The following TNRC6C variants were observed in gnomAD, a reference collection of about 807,000 sequenced individuals.
TNRC6C encodes the protein trinucleotide repeat containing adaptor 6C.
In TNRC6C, 20 loss-of-function variants were observed where a neutral mutation model predicts 153.7. The observed-to-expected ratio is 0.13, with a 90% CI of 0.09 to 0.19. The LOEUF is 0.19. Ranked by LOEUF, TNRC6C falls within the 10% of genes least tolerant of loss-of-function variation. The pLI is 1.00. For synonymous variants in TNRC6C, 811 were observed against 841.4 expected (o/e 0.96, Z 0.63); for missense variants, 1,987 against 2,172.0 (o/e 0.91, Z 1.69).
upstream of TNRC6C, among the ~76,000 whole-genome samples, chr17:77,999,193 T>C (rs1260876851): frequency 1.3e-5 from 2 of 152,240 alleles, no homozygotes; most frequent in Admixed American, 1.3e-4. Context: ...GATTTCTCTC[T>C]GGGATCCCTG....
rs558125816 is a variant in TNRC6C at position 78,097,588 on chromosome 17, G to A, written c.4307-755G>A. The stretch of plus-strand genomic sequence containing the variant: ...GGACCCAGAGTAGGAGGCATGCCCC[G>A]TTTCTTCTTTCCCACATGTCACTTT... On this transcript the variant is annotated intron_variant, in intron 16 of 19. Coordinates refer to ENST00000301624, the Ensembl canonical transcript of TNRC6C. Among the ~76,000 whole-genome samples, 18 of 152,236 alleles carry A rather than the reference G, an allele frequency of 1.2e-4. No homozygotes were observed. In the East Asian group the frequency reaches 1.9e-3, roughly 16 times the overall value.
In TNRC6C at chr17:77,961,406, T is replaced by G. The variant is rs557886548; in HGVS notation, c.-38+2138T>G. The stretch of plus-strand genomic sequence containing the variant: ...CCTGACTTCAGGTGATCCGCCTGTC[T>G]CGGCCTCCCAAAGTGCTGGGATTAC... On this transcript the variant is annotated intron_variant, in intron 1 of 22. Transcript: ENST00000636222. 3.2e-3 allele frequency among the ~76,000 whole-genome samples: 481 copies of G among 152,318 alleles called. 2 individuals carry two copies. The highest frequency in any genetic ancestry group is 0.011 in the African/African-American group (440 of 41,570).
chr17:78,077,486 C>T, intron 9 of TNRC6C, 152 bp downstream of exon 11: 1 of 997,770 alleles, frequency 1.0e-6, no homozygotes, highest in Non-Finnish European at 1.5e-6. Context: ...GATTTCCCTT[C>T]AGGTGACTTA....
chr17:78,004,944 T>G, upstream of TNRC6C: 1 of 841,002 alleles, frequency 1.2e-6, no homozygotes, highest in Non-Finnish European at 1.6e-6. Flanking sequence ...AAAAACTCAT[T>G]TTTAAAATTT....
At chr17:78,095,621 A>G (rs1365061066) in intron 16 of TNRC6C, among the ~76,000 whole-genome samples, 2 of 152,162 alleles carry the variant, frequency 1.3e-5, no homozygotes, top group Non-Finnish European at 2.9e-5. Context: ...TCAGCTCGTG[A>G]CCAGCACGAG....
At chr17:78,042,656 G>A (rs1255677280) in intron 2 of TNRC6C, among the ~76,000 whole-genome samples, 1 of 151,690 alleles carries the variant, frequency 6.6e-6, no homozygotes, top group Admixed American at 6.6e-5. Flanking sequence ...AGAATATGTG[G>A]TGATGGTGGT....
At chr17:78,092,957 T>A (rs775883392) in exon 15 of TNRC6C, 1 of 1,613,908 alleles carries the variant, frequency 6.2e-7, no homozygotes. Context: ...GGTCTAAGCA[T>A]TGGGCCTCCA....
At chr17:78,071,247 T>C (rs1044292769) in intron 6 of TNRC6C, 82 bp downstream of exon 8, 7 of 1,379,372 alleles carry the variant, frequency 5.1e-6, no homozygotes, top group South Asian at 1.2e-5. Flanking sequence ...ATGTTTGTTA[T>C]GTGTGTCAGA....
intron 1 of TNRC6C, among the ~76,000 whole-genome samples, chr17:77,984,562 C>T (rs556600152): frequency 3.3e-5 from 5 of 152,252 alleles, no homozygotes; most frequent in African/African-American, 4.8e-5. Flanking sequence ...TCCTTCAGTG[C>T]GTGTGCTTTT....
At chr17:77,958,143 A>C (rs868256099), upstream of TNRC6C, among the ~76,000 whole-genome samples, 2 of 151,926 alleles carry the variant, frequency 1.3e-5, no homozygotes, top group Admixed American at 1.3e-4. Context: ...GGCACGGGCG[A>C]GACGCGCGCC....
chr17:78,032,373 A>G (rs2072093752), intron 2 of TNRC6C, among the ~76,000 whole-genome samples: 1 of 152,212 alleles, frequency 6.6e-6, no homozygotes. Context: ...TTTGGCTCCT[A>G]AGAAAAATCA....
rs969356330 is a variant in TNRC6C at position 78,049,892 on chromosome 17, T to C, written c.830T>C (p.Leu277Ser). Residue 277 changes from leucine (L) to serine (S), a missense_variant, in exon 3 of 20, where the codon TTA becomes TCA. Transcript: ENST00000301624. The surrounding 1 kb of genome is among the most constrained non-coding windows in gnomAD (Gnocchi z 4.1). ...AATGGAGACACTGTGAACTCAGCAT[T>C]AAGTGCTAAACAAAATGGATCCAGC... is the stretch of plus-strand genomic sequence containing the variant. 5 of 1,614,014 alleles carry C rather than the reference T, an allele frequency of 3.1e-6. No individual in the cohort carries two copies. The highest frequency in any genetic ancestry group is 4.2e-6 in the Non-Finnish European group (5 of 1,179,894).
At chr17:78,028,716 A>AT (rs1226388183) in intron 1 of TNRC6C, among the ~76,000 whole-genome samples, 1 of 152,176 alleles carries the variant, frequency 6.6e-6, no homozygotes, top group Non-Finnish European at 1.5e-5. Context: ...GACTTAAAAT[A>AT]TTTTTTAATG....
At chr17:77,966,513 A>G (rs1224069721) in intron 1 of TNRC6C, among the ~76,000 whole-genome samples, 1 of 143,814 alleles carries the variant, frequency 7.0e-6, no homozygotes, top group Non-Finnish European at 1.5e-5. Flanking sequence ...TAGGGTACTT[A>G]CTGCTCTTCC....
chr17:78,042,851 A>C (rs1015361573), intron 2 of TNRC6C, among the ~76,000 whole-genome samples: 1 of 152,008 alleles, frequency 6.6e-6, no homozygotes, highest in African/African-American at 2.4e-5. Context: ...GGTGGTGGTG[A>C]TGATGAGGAA....
At chr17:77,978,156 C>G (rs558996019) in intron 1 of TNRC6C, among the ~76,000 whole-genome samples, 29 of 152,192 alleles carry the variant, frequency 1.9e-4, no homozygotes, top group South Asian at 1.2e-3. Flanking sequence ...CTCAGCCTCC[C>G]GAAGTACTGG....
intron 2 of TNRC6C, among the ~76,000 whole-genome samples, chr17:78,045,679 T>C (rs2072394585): frequency 6.6e-6 from 1 of 152,194 alleles, no homozygotes; most frequent in Non-Finnish European, 1.5e-5. Flanking sequence ...AATGGAAAAC[T>C]AAAAAGATAT....
Position 78,097,433 on chromosome 17 carries a change from G to A in TNRC6C, c.4307-910G>A, listed in dbSNP as rs192368676. 4.0e-3 allele frequency among the ~76,000 whole-genome samples: 613 copies of A among 152,262 alleles called. 1 individual carries two copies. The highest frequency in any genetic ancestry group is 0.01 in the Middle Eastern group (3 of 294). On this transcript the variant is annotated intron_variant, in intron 16 of 19. Coordinates refer to ENST00000301624, the Ensembl canonical transcript of TNRC6C. The stretch of plus-strand genomic sequence containing the variant: ...TTATTTGGGAGAGGAAATCAGTGTG[G>A]TCCTTTAAAACTCTTAAAACATGGT...
At chr17:78,039,744 C>T (rs1325120813) in intron 2 of TNRC6C, among the ~76,000 whole-genome samples, 1 of 152,142 alleles carries the variant, frequency 6.6e-6, no homozygotes, top group African/African-American at 2.4e-5. Flanking sequence ...CCTAGAAATG[C>T]CCACTAAGGA....
Sources: gnomAD v4.1 joint callset for allele counts (sites outside exome capture counted in the v4.1 genomes callset) on GRCh38, gnomAD v4.1.1 for gene constraint, Gnocchi (gnomAD v3.1) non-coding constraint, MANE v1.5 for transcripts, NCBI Gene and HGNC (gene_info 2026-07-23, HGNC 2026-07-21) for gene names.